GRM8: variants seen among roughly 807,000 people sequenced by gnomAD.
GRM8 encodes metabotropic glutamate receptor 8.
In GRM8, 47 loss-of-function variants were observed where a neutral mutation model predicts 87.2. The ratio of observed to expected loss-of-function variants is 0.54; its 90% CI spans 0.43 to 0.69. GRM8 has a LOEUF of 0.69. Ranked by LOEUF, GRM8 falls within the 30% of genes least tolerant of loss-of-function variation. GRM8 has a pLI of 0.00. For missense variants in GRM8, 1,019 were observed against 1,139.2 expected (o/e 0.89, Z 1.52); for synonymous variants, 396 against 404.5 (o/e 0.98, Z 0.25).
intron 7 of GRM8, among the ~76,000 whole-genome samples, chr7:126,729,088 A>G (rs1347791872): frequency 6.6e-6 from 1 of 152,154 alleles, no homozygotes; most frequent in Admixed American, 6.5e-5. Context: ...GCAAGCTATC[A>G]TAGTGATTAA....
intron 6 of GRM8, among the ~76,000 whole-genome samples, chr7:126,861,375 A>G (rs932117518): frequency 1.3e-5 from 2 of 152,062 alleles, no homozygotes; most frequent in African/African-American, 4.8e-5. Context: ...TATTAAAATC[A>G]ATGCAGCTAT....
At chr7:127,116,183 CCTT>C (rs1826688047) in intron 2 of GRM8, among the ~76,000 whole-genome samples, 1 of 152,134 alleles carries the variant, frequency 6.6e-6, no homozygotes, top group Non-Finnish European at 1.5e-5. Flanking sequence ...TATAGCATCT[CCTT>C]ATCTTCAATT....
At chr7:127,191,961 C>T (rs925257249) in intron 2 of GRM8, among the ~76,000 whole-genome samples, 3 of 152,144 alleles carry the variant, frequency 2.0e-5, no homozygotes, top group Non-Finnish European at 4.4e-5. Flanking sequence ...GCTCTGTTAA[C>T]TTATGTCATA....
At chr7:126,816,713 T>C (rs1017182966) in intron 6 of GRM8, among the ~76,000 whole-genome samples, 48 of 147,454 alleles carry the variant, frequency 3.3e-4, no homozygotes, top group Admixed American at 9.7e-4. Context: ...TGCTACCTAA[T>C]GTGAGATAGT....
At chr7:126,589,174 A>G (rs941215506) in intron 8 of GRM8, among the ~76,000 whole-genome samples, 17 of 152,172 alleles carry the variant, frequency 1.1e-4, no homozygotes, top group Admixed American at 1.3e-4. Context: ...GCAAGGAGGT[A>G]TGAAACCTGA....
At chr7:127,193,332 T>G (rs1342662874) in intron 2 of GRM8, among the ~76,000 whole-genome samples, 3 of 152,232 alleles carry the variant, frequency 2.0e-5, no homozygotes, top group Non-Finnish European at 2.9e-5. Context: ...ATCAAAGTGC[T>G]GGTCAATGGA....
In GRM8 at chr7:126,562,509, A is replaced by T. The variant is rs371773830; in HGVS notation, c.1495-28622T>A. On this transcript the variant is annotated intron_variant, in intron 8 of 10. Transcript: ENST00000339582. ...AGTGTTTATTGTTGAAGAAATGCTC[A>T]GTTAATGTAAATTAAATAAGAAGTT... Among the ~76,000 whole-genome samples the T allele has an allele frequency of 3.3e-5, 5 of 152,254 alleles. No individual in the cohort carries two copies. In the South Asian group the frequency reaches 1.0e-3, roughly 31 times the overall value.
intron 8 of GRM8, among the ~76,000 whole-genome samples, chr7:126,544,974 C>T (rs1290213592): frequency 2.0e-5 from 3 of 152,226 alleles, no homozygotes; most frequent in Non-Finnish European, 2.9e-5. Context: ...AAGCCACCAT[C>T]TCTGGATTTC....
At chr7:127,169,809 A>G (rs541274621) in intron 2 of GRM8, among the ~76,000 whole-genome samples, 2 of 152,344 alleles carry the variant, frequency 1.3e-5, no homozygotes, top group African/African-American at 4.8e-5. Context: ...ACAAAGTCTG[A>G]ACAACAGAAC....
At chr7:127,185,325 T>C (rs1794676782) in intron 2 of GRM8, among the ~76,000 whole-genome samples, 1 of 151,980 alleles carries the variant, frequency 6.6e-6, no homozygotes. Flanking sequence ...TATAATCAAC[T>C]GCTCTTTGAC....
At chr7:126,789,516 T>A (rs1389735323) in intron 6 of GRM8, among the ~76,000 whole-genome samples, 1 of 152,130 alleles carries the variant, frequency 6.6e-6, no homozygotes, top group East Asian at 1.9e-4. Context: ...TAGGTACAGG[T>A]TAATGTTCCA....
At chr7:126,738,259 C>G (rs1422702502) in intron 7 of GRM8, among the ~76,000 whole-genome samples, 1 of 151,986 alleles carries the variant, frequency 6.6e-6, no homozygotes, top group African/African-American at 2.4e-5. Flanking sequence ...TGACTGTAAG[C>G]AAGAGGAAAG....
chr7:127,069,375 G>A (rs889762173), intron 3 of GRM8, among the ~76,000 whole-genome samples: 5 of 152,100 alleles, frequency 3.3e-5, no homozygotes, highest in African/African-American at 1.2e-4. Context: ...TGTTGGCCAG[G>A]CTGGTCTCTG....
intron 2 of GRM8, among the ~76,000 whole-genome samples, chr7:127,167,350 T>C (rs1480920832): frequency 1.3e-5 from 2 of 152,210 alleles, no homozygotes; most frequent in African/African-American, 4.8e-5. Context: ...GTGGTTACTG[T>C]TGGGTTTTAA....
chr7:127,148,118 C>A (rs2133300447), intron 2 of GRM8, among the ~76,000 whole-genome samples: 1 of 152,124 alleles, frequency 6.6e-6, no homozygotes, highest in Admixed American at 6.6e-5. Context: ...GAAGCCTTGA[C>A]CTTCCCCATA....
At chr7:126,705,919 G>A (rs1249563767) in intron 7 of GRM8, among the ~76,000 whole-genome samples, 2 of 151,828 alleles carry the variant, frequency 1.3e-5, no homozygotes, top group African/African-American at 4.8e-5. Flanking sequence ...ATTATGTTAT[G>A]GGCTGTCTGG....
At chr7:126,556,800 CA>C (rs1179193487) in intron 8 of GRM8, among the ~76,000 whole-genome samples, 8 of 152,090 alleles carry the variant, frequency 5.3e-5, no homozygotes, top group African/African-American at 1.9e-4. Context: ...ATTTTTGTTC[CA>C]AAAATGCATT....
At chr7:126,670,498 T>C (rs532087505) in intron 7 of GRM8, among the ~76,000 whole-genome samples, 10 of 152,342 alleles carry the variant, frequency 6.6e-5, no homozygotes, top group Admixed American at 5.2e-4. Context: ...AACTTCTTTG[T>C]CAATTGTGTG....
intron 3 of GRM8, among the ~76,000 whole-genome samples, chr7:127,004,290 G>C (rs1284889315): frequency 6.6e-6 from 1 of 151,534 alleles, no homozygotes; most frequent in African/African-American, 2.4e-5. Flanking sequence ...TAATAAAACA[G>C]AGTGAGTGGC....
Sources: allele counts gnomAD v4.1 joint callset (sites outside exome capture counted in the v4.1 genomes callset), GRCh38; gene constraint gnomAD v4.1.1; transcripts MANE v1.5; gene names NCBI Gene and HGNC (gene_info 2026-07-23, HGNC 2026-07-21).